PRIMPOL: variants seen among roughly 807,000 people sequenced by gnomAD.
PRIMPOL encodes primase and DNA directed polymerase, also known as DNA-directed primase/polymerase protein.
A neutral mutation model predicts 63.6 loss-of-function variants in PRIMPOL; 54 were observed. The observed-to-expected ratio is 0.85, with a 90% CI of 0.68 to 1.07. The LOEUF (loss-of-function observed/expected upper bound fraction) is 1.07. Among genes scored for constraint, PRIMPOL ranks in the 50% least tolerant of loss-of-function variants. The pLI, the probability that PRIMPOL is intolerant of heterozygous loss-of-function variation, is 0.00. For synonymous variants in PRIMPOL, 197 were observed against 220.2 expected, an observed-to-expected ratio of 0.89 and a Z score of 0.93; for missense variants, 610 against 648.3, an observed-to-expected ratio of 0.94 and a Z score of 0.64.
At chr4:184,683,135 T>G (rs530009196) in intron 9 of PRIMPOL, among the ~76,000 whole-genome samples, 1 of 151,668 alleles carries the variant, frequency 6.6e-6, no homozygotes, top group African/African-American at 2.4e-5. Flanking sequence ...AGATGTTTAT[T>G]AAGAAGTATT....
intron 3 of PRIMPOL, among the ~76,000 whole-genome samples, chr4:184,658,573 A>AGTT (rs748709863): frequency 1.8e-4 from 28 of 152,184 alleles, no homozygotes; most frequent in Non-Finnish European, 3.4e-4. Flanking sequence ...AGGCATGAGC[A>AGTT]GTTATATTTA....
intron 6 of PRIMPOL, among the ~76,000 whole-genome samples, chr4:184,667,511 C>T (rs1028123716): frequency 1.2e-4 from 18 of 152,270 alleles, no homozygotes; most frequent in South Asian, 8.3e-4. Flanking sequence ...GGAGTTTCAC[C>T]AGGTTAGCCA....
Position 184,689,521 on chromosome 4 carries a change from C to T in PRIMPOL, c.1296-1978C>T, listed in dbSNP as rs371766277. On this transcript the variant is annotated intron_variant, in intron 11 of 13. Coordinates refer to ENST00000314970, the MANE Select transcript of PRIMPOL (RefSeq NM_152683.4). ...AGGCTGAAGTGCAGTGGTGCAATCTCGGCTCACTGCAACCTCTGCCTCCTG... is the reference window on the plus strand; with the variant it reads ...AGGCTGAAGTGCAGTGGTGCAATCTTGGCTCACTGCAACCTCTGCCTCCTG... 1.3e-4 allele frequency among the ~76,000 whole-genome samples: 19 copies of T among 144,414 alleles called. No homozygotes were observed. The East Asian group carries it at 2.8e-3, about 22-fold the overall frequency. The allele number at this position is 144,414 out of a possible 152,430, so 94.7% of individuals were successfully genotyped here.
At chr4:184,658,367 AG>A (rs915064145) in intron 3 of PRIMPOL, among the ~76,000 whole-genome samples, 53 of 152,304 alleles carry the variant, frequency 3.5e-4, no homozygotes, top group African/African-American at 1.2e-3. Flanking sequence ...AGATATAGAT[AG>A]GGGTATGCTT....
chr4:184,690,409 A>G (rs1457024819), intron 11 of PRIMPOL, among the ~76,000 whole-genome samples: 2 of 151,950 alleles, frequency 1.3e-5, no homozygotes, highest in Non-Finnish European at 2.9e-5. Flanking sequence ...GGCCTCGTTG[A>G]TTCTTTTTAC....
chr4:184,663,018 TTTATTATTATTATTA>T (rs70962516), intron 5 of PRIMPOL, among the ~76,000 whole-genome samples: 1,810 of 138,742 alleles, frequency 0.013, 45 homozygotes, highest in African/African-American at 0.045. Flanking sequence ...ATTTTAAACC[TTTATTATTATTATTA>T]TTATTATTAT....
chr4:184,672,198 G>A lies in PRIMPOL; in HGVS notation c.582G>A (p.Gln194=). The A allele has an allele frequency of 1.2e-6, 2 of 1,605,396 alleles. No homozygotes were observed. Among genetic ancestry groups the A allele is most frequent in the Non-Finnish European group, 1.7e-6 (2 of 1,177,690 alleles). ...HVGNFLRKIL[Q]PALDLLGSED... ...GTAATTTTTTGAGAAAAATTTTGCAGCCTGCTCTTGACTTGCTTGGCAGTG... is the reference window on the plus strand; with the variant it reads ...GTAATTTTTTGAGAAAAATTTTGCAACCTGCTCTTGACTTGCTTGGCAGTG... Residue 194 remains glutamine (Q), a synonymous_variant, in exon 7 of 14, where the codon CAG becomes CAA. Coordinates refer to ENST00000314970, the MANE Select transcript of PRIMPOL (RefSeq NM_152683.4).
At chr4:184,689,576 C>CT (rs1431831150) in intron 11 of PRIMPOL, among the ~76,000 whole-genome samples, 1 of 151,232 alleles carries the variant, frequency 6.6e-6, no homozygotes. Context: ...CCTCAGCCCC[C>CT]CGAGTAGCTG....
intron 2 of PRIMPOL, among the ~76,000 whole-genome samples, chr4:184,655,735 T>G (rs1479309857): frequency 6.6e-6 from 1 of 152,226 alleles, no homozygotes; most frequent in Non-Finnish European, 1.5e-5. Context: ...GTTTATCAAC[T>G]CAATAAGCAC....
intron 11 of PRIMPOL, among the ~76,000 whole-genome samples, chr4:184,686,942 T>C (rs1579627456): frequency 6.6e-6 from 1 of 152,374 alleles, no homozygotes; most frequent in East Asian, 1.9e-4. Context: ...TCTGTTCTTT[T>C]TTCTATGCGT....
intron 2 of PRIMPOL, among the ~76,000 whole-genome samples, chr4:184,652,541 C>T (rs1744860381): frequency 6.6e-6 from 1 of 152,104 alleles, no homozygotes; most frequent in African/African-American, 2.4e-5. Context: ...AAGGAAAATC[C>T]AGTCACTTAT....
At chr4:184,682,418 G>A (rs111837777) in intron 9 of PRIMPOL, 82 bp downstream of exon 9, 17 of 721,100 alleles carry the variant, frequency 2.4e-5, no homozygotes, top group African/African-American at 7.1e-5. Flanking sequence ...GTGCGATCTC[G>A]GCTCACTGCA....
Position 184,672,319 on chromosome 4 carries a change from A to G in PRIMPOL, c.703A>G (p.Thr235Ala). 1 of 1,614,166 alleles carries G rather than the reference A, an allele frequency of 6.2e-7. No homozygotes were observed. ...AGGATTTTCTTTCAATAAAATGTTC[A>G]CAGAAAAGGCTACAGAGGAAAGCTG... ...RQGFSFNKMF[T>A]EKATEESWTS... Residue 235 changes from threonine (T) to alanine (A), a missense_variant, in exon 7 of 14, where the codon ACA (threonine) becomes GCA (alanine). Physicochemically the swap from Thr to Ala is moderately conservative, Grantham distance 58 (BLOSUM62 0). Transcript: ENST00000314970.
intron 9 of PRIMPOL, among the ~76,000 whole-genome samples, chr4:184,684,458 G>GAA (rs903723659): frequency 7.0e-6 from 1 of 142,290 alleles, no homozygotes. Context: ...TCTGTCTCAA[G>GAA]AAAAAAAAAA....
Position 184,691,672 on chromosome 4 carries a change from C to T in PRIMPOL, c.1385C>T (p.Pro462Leu), listed in dbSNP as rs770851353. The T allele has an allele frequency of 4.3e-6, 7 of 1,611,964 alleles. No individual in the cohort carries two copies. In the South Asian group the frequency reaches 5.5e-5, roughly 13 times the overall value. ...KAENFKSDCF[P>L]LPAEVCLLFL... is the part of the protein sequence containing the mutation. ...TGCTATCTTTCTGATTCAGGTTTCC[C>T]ATTACCTGCTGAAGTATGTCTCCTG... Residue 462 changes from proline to leucine, a missense_variant, in exon 13 of 14, where the codon CCA (proline) becomes CTA (leucine). By Grantham distance (98) the Pro-to-Leu change is moderately conservative. Around this residue, in one of 3 missense-constraint regions of PRIMPOL, gnomAD observed 444 missense variants for 456.4 expected, o/e 0.97. Coordinates refer to ENST00000314970, the MANE Select transcript of PRIMPOL (RefSeq NM_152683.4).
intron 6 of PRIMPOL, among the ~76,000 whole-genome samples, chr4:184,666,462 C>CA (rs1243336061): frequency 4.0e-5 from 6 of 151,826 alleles, no homozygotes; most frequent in Non-Finnish European, 8.8e-5. Flanking sequence ...GACCCTGTCT[C>CA]AAAAAAAATA....
Position 184,694,553 on chromosome 4 carries a change from A to C in PRIMPOL, c.1457A>C (p.Glu486Ala), listed in dbSNP as rs759968898. 1 of 1,613,446 alleles carries C rather than the reference A, an allele frequency of 6.2e-7. No individual in the cohort carries two copies. Among genetic ancestry groups the C allele is most frequent in the South Asian group, 1.1e-5 (1 of 91,086 alleles). ...EEEFTTDEAD[E>A]TRSNETQNPH... The stretch of plus-strand genomic sequence containing the variant: ...GAGTTTACAACAGATGAAGCAGATG[A>C]AACTAGGAGCAATGAAACCCAGAAT... Residue 486 changes from glutamate (E) to alanine (A), a missense_variant, in exon 14 of 14, where the codon GAA becomes GCA. Glu to Ala is a moderately radical substitution (Grantham distance 107). Coordinates refer to ENST00000314970, the MANE Select transcript of PRIMPOL (RefSeq NM_152683.4).
intron 3 of PRIMPOL, among the ~76,000 whole-genome samples, chr4:184,658,035 T>TAAATAAATATCA (rs1553988171): frequency 6.8e-6 from 1 of 147,050 alleles, no homozygotes; most frequent in African/African-American, 2.6e-5. Context: ...AATAAATAAA[T>TAAATAAATATCA]ATCACTAAAT....
At chr4:184,650,787 C>A (rs1744105947) in intron 1 of PRIMPOL, among the ~76,000 whole-genome samples, 1 of 152,182 alleles carries the variant, frequency 6.6e-6, no homozygotes, top group Admixed American at 6.5e-5. Flanking sequence ...CATGGCAGAG[C>A]CTGTTTCTAA....
Sources: allele counts gnomAD v4.1 joint callset (sites outside exome capture counted in the v4.1 genomes callset), GRCh38; gene constraint gnomAD v4.1.1; regional missense constraint gnomAD v4.1.1; transcripts MANE v1.5; gene names NCBI Gene and HGNC (gene_info 2026-07-23, HGNC 2026-07-21).